The following SANBR variants were observed in gnomAD, a reference collection of about 807,000 sequenced individuals.
SANBR encodes SANT and BTB domain regulator of CSR, also known as SANT and BTB domain regulator of class switch recombination.
A neutral mutation model predicts 101.8 loss-of-function variants in SANBR; 77 were observed. That is an observed-to-expected ratio of 0.76 (90% CI 0.63 to 0.91). SANBR has a LOEUF of 0.91. SANBR is among the 40% of genes least tolerant of loss of function. The pLI is 0.00. For synonymous variants in SANBR, 279 were observed against 274.7 expected (o/e 1.02, Z -0.15); for missense variants, 875 against 853.0 (o/e 1.03, Z -0.32).
chr2:61,076,670 A>G (rs1681802735), intron 5 of SANBR, among the ~76,000 whole-genome samples: 1 of 151,970 alleles, frequency 6.6e-6, no homozygotes, highest in Admixed American at 6.6e-5. Flanking sequence ...GAAATTTCAA[A>G]CTGTGTAAAT....
intron 5 of SANBR, 80 bp from the exon 6 acceptor site, chr2:61,076,840 T>A (rs1681811658): frequency 1.0e-6 from 1 of 965,668 alleles, no homozygotes. Flanking sequence ...CTTGTTCTCT[T>A]CCCTTCACTA....
chr2:61,111,384 C>T (rs1373351556), intron 16 of SANBR, among the ~76,000 whole-genome samples: 1 of 152,192 alleles, frequency 6.6e-6, no homozygotes, highest in Non-Finnish European at 1.5e-5. Flanking sequence ...CAGAGCGAGA[C>T]TCCGTCTCAA....
chr2:61,114,323 C>G (rs1014694591), intron 16 of SANBR, among the ~76,000 whole-genome samples: 2 of 152,170 alleles, frequency 1.3e-5, no homozygotes, highest in Non-Finnish European at 2.9e-5. Context: ...GTAAATGCCA[C>G]TAGAATGTAA....
exon 21 of SANBR, chr2:61,134,254 C>T: frequency 1.3e-6 from 2 of 1,574,562 alleles, no homozygotes; most frequent in Non-Finnish European, 1.7e-6. Context: ...CATGAAAGGA[C>T]TTGGAATACT....
intron 13 of SANBR, among the ~76,000 whole-genome samples, chr2:61,104,407 G>A (rs112315431): frequency 6.6e-6 from 1 of 151,808 alleles, no homozygotes. Context: ...GCGTGAACCC[G>A]GGAGGTGGAG....
At position 61,122,140 on chromosome 2, in the gene SANBR, T is replaced by G; in HGVS notation, c.2135T>G (p.Phe712Cys). 4 of 1,550,646 alleles carry G rather than the reference T, an allele frequency of 2.6e-6. No individual in the cohort carries two copies. Among genetic ancestry groups the G allele is most frequent in the African/African-American group, 1.4e-5 (1 of 73,102 alleles). Reference protein sequence around the residue: ...SEKNTRSKSRFGQGRPA With the variant: ...SEKNTRSKSRCGQGRPA ...AAAAAATCTAGGTCTAAAAGTCGTT[T>G]TGGTCAAGGGCGTCCTGCATAAAGT... Residue 712 changes from phenylalanine to cysteine, a missense_variant, in exon 22 of 22, where the codon TTT becomes TGT. Physicochemically the swap from Phe to Cys is radical, Grantham distance 205. Transcript: ENST00000402291.
intron 20 of SANBR, chr2:61,134,069 T>A: frequency 6.3e-7 from 1 of 1,587,874 alleles, no homozygotes; most frequent in Non-Finnish European, 8.6e-7. Flanking sequence ...GTTTAATCTC[T>A]TCTTGTGTTT....
chr2:61,076,033 G>C (rs921489455), intron 5 of SANBR, among the ~76,000 whole-genome samples: 1 of 151,086 alleles, frequency 6.6e-6, no homozygotes, highest in East Asian at 2.0e-4. Context: ...TTGCTCTGTC[G>C]CCCAGTCTGG....
rs551539057 is a variant in SANBR, at chr2:61,096,633, C to T, written c.1213-1067C>T. Among the ~76,000 whole-genome samples, 37 of 152,150 alleles carry T rather than the reference C, an allele frequency of 2.4e-4. No homozygotes were observed. The East Asian group carries it at 2.9e-3, about 12-fold the overall frequency. Reference sequence around the variant, plus strand: ...CTTGCTACATTGCCCAGGCTGGCCTCGAATTCCTAGGTTTAAGCAGTCCTT... The same window carrying T: ...CTTGCTACATTGCCCAGGCTGGCCTTGAATTCCTAGGTTTAAGCAGTCCTT... On this transcript the variant is annotated intron_variant, in intron 11 of 21. Transcript: ENST00000402291.
At chr2:61,104,204 T>C (rs760887471) in intron 13 of SANBR, among the ~76,000 whole-genome samples, 17 of 152,222 alleles carry the variant, frequency 1.1e-4, no homozygotes, top group East Asian at 3.9e-4. Flanking sequence ...TGGAGGTGGC[T>C]GGGCGCGGTG....
chr2:61,072,277 A>G (rs1329256441), intron 4 of SANBR, among the ~76,000 whole-genome samples: 1 of 152,102 alleles, frequency 6.6e-6, no homozygotes, highest in Non-Finnish European at 1.5e-5. Flanking sequence ...CTATTTTTTA[A>G]AAAAAGTTTT....
At chr2:61,108,815 A>C (rs1335600049) in intron 15 of SANBR, among the ~76,000 whole-genome samples, 1 of 152,222 alleles carries the variant, frequency 6.6e-6, no homozygotes, top group African/African-American at 2.4e-5. Context: ...ATCCAGGACC[A>C]CATTCACCCA....
intron 16 of SANBR, among the ~76,000 whole-genome samples, chr2:61,113,866 C>T (rs1303161819): frequency 5.3e-5 from 8 of 152,154 alleles, no homozygotes; most frequent in African/African-American, 1.9e-4. Flanking sequence ...TATGTAATGT[C>T]AGTTGTCAGC....
intron 3 of SANBR, among the ~76,000 whole-genome samples, 176 bp downstream of exon 3, chr2:61,070,676 T>A (rs954643734): frequency 2.8e-5 from 4 of 140,778 alleles, no homozygotes; most frequent in Non-Finnish European, 6.2e-5. Flanking sequence ...TTTTATATAT[T>A]ATATATAGTA....
At chr2:61,067,589 A>G (rs1479010176) in intron 1 of SANBR, among the ~76,000 whole-genome samples, 2 of 152,160 alleles carry the variant, frequency 1.3e-5, no homozygotes, top group African/African-American at 4.8e-5. Context: ...TACAAAAATT[A>G]GCTGGGCGTG....
rs142268696 is a variant in SANBR, at chr2:61,099,686, A to G, written c.1365+1834A>G. On this transcript the variant is annotated intron_variant, in intron 12 of 21. Coordinates refer to ENST00000402291, the MANE Select transcript of SANBR (RefSeq NM_001129993.3). The stretch of plus-strand genomic sequence containing the variant: ...TAGATGATAGTTAAAGCCAGCAGGT[A>G]TAGGTGAGTGTATGAAGAGCAGAGG... Among the ~76,000 whole-genome samples the G allele has an allele frequency of 1.2e-3, 178 of 152,342 alleles. 1 individual carries two copies. The highest frequency in any genetic ancestry group is 3.5e-3 in the East Asian group (18 of 5,190).
At chr2:61,075,190 G>A (rs72809454) in intron 5 of SANBR, 9 of 152,368 alleles carry the variant, frequency 5.9e-5, no homozygotes, top group African/African-American at 2.2e-4. Context: ...GTCTCTCTCT[G>A]TTCTCTTCCT....
At chr2:61,109,440 G>C in intron 16 of SANBR, 144 bp downstream of exon 16, 1 of 447,434 alleles carries the variant, frequency 2.2e-6, no homozygotes, top group Middle Eastern at 4.4e-4. Context: ...ACACCATCAA[G>C]ATTTCCTAAC....
In SANBR at chr2:61,109,578, G is replaced by A. The variant is rs10202991; in HGVS notation, c.1744+282G>A. 0.014 allele frequency among the ~76,000 whole-genome samples: 2,179 copies of A among 151,402 alleles called. 64 individuals carry two copies. The highest frequency in any genetic ancestry group is 0.05 in the African/African-American group (2,072 of 41,254). On this transcript the variant is annotated intron_variant, in intron 16 of 21. Coordinates refer to ENST00000402291, the MANE Select transcript of SANBR (RefSeq NM_001129993.3). ...TTTCAGATGAAATGTGATCTGAGAC[G>A]TGTAGCTGAGATGATTTGGAGTGAT... is the stretch of plus-strand genomic sequence containing the variant.
Sources: allele counts gnomAD v4.1 joint callset (sites outside exome capture counted in the v4.1 genomes callset), GRCh38; gene constraint gnomAD v4.1.1; transcripts MANE v1.5; gene names NCBI Gene and HGNC (gene_info 2026-07-23, HGNC 2026-07-21).